CCDC85A: variants seen among roughly 807,000 people sequenced by gnomAD.
CCDC85A encodes coiled-coil domain containing 85A.
CCDC85A carries 38 observed loss-of-function variants against 50.2 expected under a neutral mutation model. That is an observed-to-expected ratio of 0.76 (90% CI 0.58 to 0.99). The LOEUF is 0.99. Ranked by LOEUF, CCDC85A falls within the 50% of genes least tolerant of loss-of-function variation. The pLI is 0.00. For missense variants in CCDC85A, 820 were observed against 742.0 expected (o/e 1.11, Z -1.22); for synonymous variants, 366 against 301.4 (o/e 1.21, Z -2.22).
intron 2 of CCDC85A, among the ~76,000 whole-genome samples, chr2:56,303,818 T>C (rs1672313820): frequency 6.6e-6 from 1 of 152,172 alleles, no homozygotes; most frequent in African/African-American, 2.4e-5. Flanking sequence ...TAGACTGTTA[T>C]GTTCTGGCAT....
chr2:56,343,738 G>T (rs1674490283), intron 3 of CCDC85A, among the ~76,000 whole-genome samples: 1 of 152,074 alleles, frequency 6.6e-6, no homozygotes, highest in South Asian at 2.1e-4. Flanking sequence ...AGTCACTAGG[G>T]TTCTTTCTAC....
At chr2:56,301,558 T>C (rs1672204871) in intron 2 of CCDC85A, among the ~76,000 whole-genome samples, 1 of 152,124 alleles carries the variant, frequency 6.6e-6, no homozygotes, top group African/African-American at 2.4e-5. Flanking sequence ...ACCAAGTGAA[T>C]AGGAAGTAAG....
intron 2 of CCDC85A, among the ~76,000 whole-genome samples, chr2:56,230,549 A>C (rs1288399026): frequency 2.0e-5 from 3 of 152,174 alleles, no homozygotes; most frequent in Non-Finnish European, 4.4e-5. Flanking sequence ...TGTGCTTTTA[A>C]AAATGTAAAT....
intron 2 of CCDC85A, among the ~76,000 whole-genome samples, chr2:56,255,395 G>A (rs1039122570): frequency 6.6e-6 from 1 of 152,142 alleles, no homozygotes; most frequent in Non-Finnish European, 1.5e-5. Flanking sequence ...TAGGTAAGTG[G>A]TAGAATTAAG....
chr2:56,344,619 G>A (rs577573931), intron 3 of CCDC85A, among the ~76,000 whole-genome samples: 42 of 152,014 alleles, frequency 2.8e-4, no homozygotes, highest in African/African-American at 9.4e-4. Flanking sequence ...ACTACTGGTG[G>A]GTTTGTTTTC....
chr2:56,276,079 A>G (rs1005849766), intron 2 of CCDC85A, among the ~76,000 whole-genome samples: 1 of 152,114 alleles, frequency 6.6e-6, no homozygotes, highest in Non-Finnish European at 1.5e-5. Context: ...GGTAGCTTTG[A>G]GGGAATTTTA....
chr2:56,255,559 T>C (rs930818534), intron 2 of CCDC85A, among the ~76,000 whole-genome samples: 1 of 151,108 alleles, frequency 6.6e-6, no homozygotes, highest in African/African-American at 2.4e-5. Context: ...TGATTGGGAG[T>C]TTTCACAGCC....
intron 2 of CCDC85A, among the ~76,000 whole-genome samples, chr2:56,224,395 G>T (rs1668456870): frequency 1.3e-5 from 2 of 152,118 alleles, no homozygotes; most frequent in African/African-American, 4.8e-5. Flanking sequence ...TTCACTTTTG[G>T]CTGTTATGAA....
At chr2:56,283,663 A>T (rs1671302062) in intron 2 of CCDC85A, among the ~76,000 whole-genome samples, 1 of 152,138 alleles carries the variant, frequency 6.6e-6, no homozygotes, top group Non-Finnish European at 1.5e-5. Flanking sequence ...GTATTTTTCA[A>T]GGAAATCTAT....
chr2:56,347,656 G>A (rs773413007), intron 3 of CCDC85A, among the ~76,000 whole-genome samples: 14 of 152,138 alleles, frequency 9.2e-5, no homozygotes, highest in Non-Finnish European at 1.8e-4. Context: ...ACCCCTGCAT[G>A]GAAAATTTAT....
chr2:56,328,434 C>T (rs765272372), intron 2 of CCDC85A, among the ~76,000 whole-genome samples: 12 of 152,124 alleles, frequency 7.9e-5, no homozygotes, highest in Non-Finnish European at 1.8e-4. Flanking sequence ...GCCTCTTCCA[C>T]CTGACTTCTG....
intron 1 of CCDC85A, among the ~76,000 whole-genome samples, chr2:56,185,421 C>T (rs1033167444): frequency 6.6e-6 from 1 of 152,156 alleles, no homozygotes; most frequent in African/African-American, 2.4e-5. Context: ...TCAGAGCAGT[C>T]TTGTGTCACC....
intron 5 of CCDC85A, among the ~76,000 whole-genome samples, chr2:56,381,696 A>G (rs558343299): frequency 6.6e-6 from 1 of 152,136 alleles, no homozygotes; most frequent in Non-Finnish European, 1.5e-5. Flanking sequence ...GGCCATCTCC[A>G]TGGTTCTTAA....
At chr2:56,240,487 C>T (rs1413044705) in intron 2 of CCDC85A, among the ~76,000 whole-genome samples, 1 of 152,134 alleles carries the variant, frequency 6.6e-6, no homozygotes, top group Non-Finnish European at 1.5e-5. Context: ...CTTCATTCTT[C>T]ATTCATTCAT....
At chr2:56,219,658 C>T (rs1337042979) in intron 2 of CCDC85A, among the ~76,000 whole-genome samples, 2 of 151,850 alleles carry the variant, frequency 1.3e-5, no homozygotes, top group Non-Finnish European at 2.9e-5. Flanking sequence ...TTTTAGAGAT[C>T]TATGTGTATA....
intron 2 of CCDC85A, among the ~76,000 whole-genome samples, chr2:56,290,589 CAGA>C (rs2104142847): frequency 6.6e-6 from 1 of 152,300 alleles, no homozygotes; most frequent in South Asian, 2.1e-4. Flanking sequence ...AGAAGACAGG[CAGA>C]AGAAGCAAAT....
chr2:56,194,368 A>C (rs1013807874), intron 2 of CCDC85A, among the ~76,000 whole-genome samples: 1 of 152,230 alleles, frequency 6.6e-6, no homozygotes, highest in Non-Finnish European at 1.5e-5. Flanking sequence ...AAGAATAAAA[A>C]ACAAAAAAAC....
intron 2 of CCDC85A, among the ~76,000 whole-genome samples, chr2:56,258,187 C>A (rs1293869854): frequency 6.6e-6 from 1 of 151,942 alleles, no homozygotes; most frequent in African/African-American, 2.4e-5. Flanking sequence ...TGGGGGAGGC[C>A]ATGGAAGCAT....
chr2:56,204,794 C>T (rs1178079329), intron 2 of CCDC85A, among the ~76,000 whole-genome samples: 1 of 152,206 alleles, frequency 6.6e-6, no homozygotes, highest in Non-Finnish European at 1.5e-5. Context: ...TCTCTCTGCA[C>T]TCCTGTGCCT....
Sources: allele counts gnomAD v4.1 joint callset (sites outside exome capture counted in the v4.1 genomes callset), GRCh38; gene constraint gnomAD v4.1.1; transcripts MANE v1.5; gene names NCBI Gene and HGNC (gene_info 2026-07-23, HGNC 2026-07-21).